EPHB2: variants seen among roughly 807,000 people sequenced by gnomAD.
The protein encoded by EPHB2 is EPH receptor B2.
Under a neutral mutation model 96.4 loss-of-function variants are expected in EPHB2, and 18 were observed. That is an observed-to-expected ratio of 0.19 (90% CI 0.13 to 0.28). EPHB2 has a LOEUF of 0.28. Ranked by LOEUF, EPHB2 falls within the 10% of genes least tolerant of loss-of-function variation. The pLI is 1.00. For missense variants in EPHB2, 989 were observed against 1,355.4 expected (o/e 0.73, Z 4.25); for synonymous variants, 506 against 534.1 (o/e 0.95, Z 0.72).
intron 1 of EPHB2, among the ~76,000 whole-genome samples, chr1:22,725,473 C>G (rs1022660606): frequency 2.6e-5 from 4 of 152,142 alleles, no homozygotes; most frequent in Middle Eastern, 3.4e-3. Flanking sequence ...GATAAATAAA[C>G]AAACACCAAA....
intron 3 of EPHB2, among the ~76,000 whole-genome samples, chr1:22,838,495 T>C (rs1391083384): frequency 6.6e-6 from 1 of 152,244 alleles, no homozygotes; most frequent in Non-Finnish European, 1.5e-5. Flanking sequence ...TCATAAGCCC[T>C]GTTCTCCCTA....
chr1:22,786,339 G>A lies in EPHB2; in HGVS notation c.811+1263G>A, dbSNP rs535330780. ...TGCTCAGCCTGTGAGCTGCAATGGT[G>A]GTGCTGGGGGTATAGGGGACTTGAA... On this transcript the variant is annotated intron_variant, in intron 3 of 15. Coordinates refer to ENST00000374630, the MANE Select transcript of EPHB2 (RefSeq NM_017449.5). 4.6e-4 allele frequency among the ~76,000 whole-genome samples: 70 copies of A among 152,324 alleles called. 1 individual carries two copies. In the South Asian group the frequency reaches 0.013, roughly 29 times the overall value.
intron 3 of EPHB2, among the ~76,000 whole-genome samples, chr1:22,826,555 G>A (rs1645226915): frequency 6.6e-6 from 1 of 152,216 alleles, no homozygotes; most frequent in South Asian, 2.1e-4. Context: ...GGCATCGGAG[G>A]ACTGGAGAGG....
chr1:22,890,653 C>T (rs1639361347), intron 6 of EPHB2, among the ~76,000 whole-genome samples: 1 of 152,148 alleles, frequency 6.6e-6, no homozygotes, highest in Admixed American at 6.5e-5. Context: ...GCCCAAATCT[C>T]ATCTTGAATT....
At chr1:22,848,830 G>T (rs1645581753) in intron 3 of EPHB2, among the ~76,000 whole-genome samples, 1 of 152,150 alleles carries the variant, frequency 6.6e-6, no homozygotes, top group South Asian at 2.1e-4. Flanking sequence ...AACCTTCCAG[G>T]TTTCCGGGGG....
In EPHB2 at chr1:22,846,820, C is replaced by A. The variant is rs995663731; in HGVS notation, c.812-16217C>A. 2.6e-5 allele frequency among the ~76,000 whole-genome samples: 4 copies of A among 152,170 alleles called. No homozygotes were observed. The highest frequency in any genetic ancestry group is 9.7e-5 in the African/African-American group (4 of 41,438). On this transcript the variant is annotated intron_variant, in intron 3 of 15. Coordinates refer to ENST00000374630, the MANE Select transcript of EPHB2 (RefSeq NM_017449.5). The surrounding 1 kb of genome is among the most constrained non-coding windows in gnomAD (Gnocchi z 4.3). ...TCCAGGAAACCACAGTGGTAGAGAC[C>A]CCTCCTCTGGGCTTCCAGACCCAGC...
At chr1:22,727,037 G>T (rs1485823459) in intron 1 of EPHB2, among the ~76,000 whole-genome samples, 1 of 152,214 alleles carries the variant, frequency 6.6e-6, no homozygotes, top group Non-Finnish European at 1.5e-5. Flanking sequence ...GGAGAGGTTT[G>T]AGTCCGTTAA....
chr1:22,737,144 C>G (rs930483251), intron 1 of EPHB2, among the ~76,000 whole-genome samples: 2 of 152,180 alleles, frequency 1.3e-5, no homozygotes, highest in Non-Finnish European at 2.9e-5. Flanking sequence ...CTGTGCCTCC[C>G]TCTCACCCTG....
chr1:22,754,628 C>A (rs1006898599), intron 1 of EPHB2, among the ~76,000 whole-genome samples: 3 of 151,040 alleles, frequency 2.0e-5, no homozygotes, highest in African/African-American at 7.3e-5. Flanking sequence ...AGGCCTGGTA[C>A]GGGGCCATGG....
At chr1:22,911,421 G>GCA (rs377539178) in intron 14 of EPHB2, among the ~76,000 whole-genome samples, 4 of 152,028 alleles carry the variant, frequency 2.6e-5, no homozygotes, top group African/African-American at 7.3e-5. Context: ...ATAGGCACCT[G>GCA]CACACACACA....
chr1:22,758,624 A>C (rs769388594), intron 1 of EPHB2, among the ~76,000 whole-genome samples: 15 of 150,826 alleles, frequency 9.9e-5, no homozygotes, highest in Non-Finnish European at 1.8e-4. Flanking sequence ...AGAGACTGGG[A>C]CTCAAGTCCC....
chr1:22,906,170 A>G lies in EPHB2; in HGVS notation c.1888+61A>G. 1 of 1,612,764 alleles carries G rather than the reference A, an allele frequency of 6.2e-7. No individual in the cohort carries two copies. The highest frequency in any genetic ancestry group is 8.5e-7 in the Non-Finnish European group (1 of 1,179,512). On this transcript the variant is annotated intron_variant, in intron 10 of 15. Coordinates refer to ENST00000374630, the MANE Select transcript of EPHB2 (RefSeq NM_017449.5). The surrounding 1 kb of genome is among the most constrained non-coding windows in gnomAD (Gnocchi z 4.8). ...TAGCCATGGCTGGTGAGACCACCCCAATGTATACCCTTGGGGCAGAAGGTA... is the reference window on the plus strand; with the variant it reads ...TAGCCATGGCTGGTGAGACCACCCCGATGTATACCCTTGGGGCAGAAGGTA...
chr1:22,910,293 GCAATGTA>G, intron 13 of EPHB2, 82 bp from the exon 14 acceptor site: 1 of 1,536,942 alleles, frequency 6.5e-7, no homozygotes, highest in Non-Finnish European at 9.0e-7. Context: ...GGTCAGACGT[GCAATGTA>G]CTGGGGGTAA....
At chr1:22,800,666 C>T (rs1356933609) in intron 3 of EPHB2, among the ~76,000 whole-genome samples, 1 of 151,596 alleles carries the variant, frequency 6.6e-6, no homozygotes, top group African/African-American at 2.4e-5. Flanking sequence ...AAAATGGGTA[C>T]TTGTTAGCAT....
chr1:22,781,549 C>T, intron 2 of EPHB2, 64 bp downstream of exon 2: 1 of 1,515,182 alleles, frequency 6.6e-7, no homozygotes, highest in Non-Finnish European at 9.1e-7. Flanking sequence ...GCTGCAGGGC[C>T]CGAATGCCCC....
chr1:22,897,416 T>C (rs566646388), intron 9 of EPHB2, among the ~76,000 whole-genome samples: 64 of 152,262 alleles, frequency 4.2e-4, no homozygotes, highest in African/African-American at 1.4e-3. Flanking sequence ...CCCATCATCA[T>C]ATCCCTGCCC....
chr1:22,817,226 A>G (rs1645087707), intron 3 of EPHB2, among the ~76,000 whole-genome samples: 1 of 152,248 alleles, frequency 6.6e-6, no homozygotes, highest in African/African-American at 2.4e-5. Flanking sequence ...CATTATCATC[A>G]TCATCCCAAG....
At chr1:22,712,079 G>C (rs950878241) in intron 1 of EPHB2, among the ~76,000 whole-genome samples, 1 of 152,224 alleles carries the variant, frequency 6.6e-6, no homozygotes, top group Admixed American at 6.5e-5. Flanking sequence ...GCAGCTCTCT[G>C]TGGTTTACAA....
rs969137517 is a variant in EPHB2 at position 22,871,731 on chromosome 1, G to C, written c.1303+6519G>C. Among the ~76,000 whole-genome samples, 4 of 152,284 alleles carry C rather than the reference G, an allele frequency of 2.6e-5. No homozygotes were observed. The East Asian group carries it at 7.7e-4, about 29-fold the overall frequency. ...ATTGTTCTGCAGGTTCAGAAGCCTA[G>C]CGTGGGCCGGGTGCAGTGGCTCATG... is the stretch of plus-strand genomic sequence containing the variant. On this transcript the variant is annotated intron_variant, in intron 5 of 15. Coordinates refer to ENST00000374630, the MANE Select transcript of EPHB2 (RefSeq NM_017449.5).
Sources: gnomAD v4.1 joint callset for allele counts (sites outside exome capture counted in the v4.1 genomes callset) on GRCh38, gnomAD v4.1.1 for gene constraint, Gnocchi (gnomAD v3.1) non-coding constraint, MANE v1.5 for transcripts, NCBI Gene and HGNC (gene_info 2026-07-23, HGNC 2026-07-21) for gene names.